The following CPED1 variants were observed in gnomAD, a reference collection of about 807,000 sequenced individuals.
The protein encoded by CPED1 is cadherin like and PC-esterase domain containing 1, also known as cadherin-like and PC-esterase domain-containing protein 1.
In CPED1, 114 loss-of-function variants were observed where a neutral mutation model predicts 128.2. The ratio of observed to expected loss-of-function variants is 0.89; its 90% CI spans 0.76 to 1.04. The LOEUF is 1.04. Among genes scored for constraint, CPED1 ranks in the 50% least tolerant of loss-of-function variants. The pLI, the probability that CPED1 is intolerant of heterozygous loss-of-function variation, is 0.00. For synonymous variants in CPED1, 462 were observed against 426.7 expected (o/e 1.08, Z -1.02); for missense variants, 1,211 against 1,207.1 (o/e 1.00, Z -0.05).
chr7:121,095,935 G>T (rs181746215), intron 5 of CPED1, among the ~76,000 whole-genome samples: 5 of 152,084 alleles, frequency 3.3e-5, no homozygotes, highest in Admixed American at 3.3e-4. Flanking sequence ...TACAAAAGAA[G>T]CCTCCAAATC....
At chr7:120,993,660 C>A (rs1460847267) in intron 2 of CPED1, among the ~76,000 whole-genome samples, 1 of 152,176 alleles carries the variant, frequency 6.6e-6, no homozygotes, top group African/African-American at 2.4e-5. Context: ...GAGGCAAACA[C>A]TTGCATGCTA....
intron 16 of CPED1, among the ~76,000 whole-genome samples, chr7:121,209,436 T>C (rs1797595646): frequency 6.6e-6 from 1 of 152,076 alleles, no homozygotes; most frequent in Admixed American, 6.6e-5. Flanking sequence ...CATATTTTTA[T>C]AGTCAGCTTT....
In CPED1 at chr7:121,017,954, A is replaced by T. The variant is rs1792342278; in HGVS notation, c.433+2106A>T. 2.6e-5 allele frequency among the ~76,000 whole-genome samples: 4 copies of T among 152,186 alleles called. No homozygotes were observed. The South Asian group carries it at 6.2e-4, about 24-fold the overall frequency. On this transcript the variant is annotated intron_variant, in intron 3 of 22. Coordinates refer to ENST00000310396, the MANE Select transcript of CPED1 (RefSeq NM_024913.5). Reference sequence around the variant, plus strand: ...CTTTTCCCACATTCCCACAGCTTTTAAAACATCTAAATCCTACCTCTGTCT... The same window carrying T: ...CTTTTCCCACATTCCCACAGCTTTTTAAACATCTAAATCCTACCTCTGTCT...
chr7:121,284,284 C>T (rs10276111), intron 22 of CPED1, among the ~76,000 whole-genome samples: 58,122 of 151,972 alleles, frequency 0.38, 11,610 homozygotes, highest in African/African-American at 0.5. Context: ...AGGTCCCTCT[C>T]ATAACACGTG....
chr7:121,244,470 T>A, intron 18 of CPED1, 132 bp downstream of exon 18: 1 of 876,038 alleles, frequency 1.1e-6, no homozygotes, highest in Non-Finnish European at 1.8e-6. Context: ...GCAATATGGC[T>A]TTTTGAATCA....
intron 18 of CPED1, among the ~76,000 whole-genome samples, chr7:121,255,209 C>CT (rs1465903164): frequency 6.6e-6 from 1 of 152,056 alleles, no homozygotes; most frequent in Non-Finnish European, 1.5e-5. Flanking sequence ...GATTAATACA[C>CT]TACAACCAAG....
rs192092657 is a variant in CPED1, at chr7:121,295,936, G to A, written c.*284G>A. The A allele has an allele frequency of 2.3e-4, 67 of 288,368 alleles. No homozygotes were observed. Among genetic ancestry groups the A allele is most frequent in the South Asian group, 1.3e-4 (2 of 15,412 alleles). The allele number at this position is 288,368 out of a possible 1,614,324, so 17.9% of individuals were successfully genotyped here. On this transcript the variant is annotated 3_prime_UTR_variant, in exon 23 of 23. Coordinates refer to ENST00000310396, the MANE Select transcript of CPED1 (RefSeq NM_024913.5). The stretch of plus-strand genomic sequence containing the variant: ...ATAATTATTAACCAGAACCACTGTG[G>A]GCCAGGTATGGCATTGTGATAATAA...
chr7:121,134,665 A>T (rs1795747496), intron 13 of CPED1, among the ~76,000 whole-genome samples: 1 of 152,126 alleles, frequency 6.6e-6, no homozygotes, highest in African/African-American at 2.4e-5. Flanking sequence ...TTCATTACAC[A>T]ATGTATACAT....
intron 2 of CPED1, chr7:120,994,036 C>A: frequency 5.1e-6 from 1 of 194,236 alleles, no homozygotes; most frequent in South Asian, 6.1e-5. Context: ...GTCTGTGCTT[C>A]AGAGACAGTG....
chr7:121,115,067 G>A (rs934287182), intron 7 of CPED1, among the ~76,000 whole-genome samples: 2 of 152,118 alleles, frequency 1.3e-5, no homozygotes, highest in South Asian at 2.1e-4. Flanking sequence ...TATGAGCAGG[G>A]GACTGACATG....
chr7:121,116,976 A>G (rs1795254098), intron 7 of CPED1, among the ~76,000 whole-genome samples: 1 of 117,270 alleles, frequency 8.5e-6, no homozygotes, highest in African/African-American at 3.5e-5. Context: ...ATATATATAT[A>G]TACACACACA....
intron 3 of CPED1, among the ~76,000 whole-genome samples, chr7:121,021,155 C>T (rs1379183444): frequency 1.3e-5 from 2 of 151,862 alleles, no homozygotes; most frequent in African/African-American, 4.8e-5. Flanking sequence ...CTAATAAGGA[C>T]ACTCTTATTT....
At chr7:121,015,460 T>C (rs1366097569) in intron 2 of CPED1, among the ~76,000 whole-genome samples, 1 of 152,240 alleles carries the variant, frequency 6.6e-6, no homozygotes, top group Non-Finnish European at 1.5e-5. Context: ...CATCTTTCTG[T>C]TACAGTGAGG....
At position 121,295,468 on chromosome 7, in the gene CPED1, A is replaced by C; in HGVS notation, c.2897A>C (p.Tyr966Ser). The change falls in exon 23 of 23, where the codon TAT becomes TCT. Residue 966 changes from tyrosine to serine, a missense_variant. Coordinates refer to ENST00000310396, the MANE Select transcript of CPED1 (RefSeq NM_024913.5). ...EVVKSKLSKE[Y>S]NFIKMKRSRN... ...GTGAAATCAAAGTTATCCAAAGAAT[A>C]TAACTTTATTAAAATGAAAAGATCA... is the stretch of plus-strand genomic sequence containing the variant. 6.2e-7 allele frequency: 1 copy of C among 1,613,330 alleles called. No homozygotes were observed.
chr7:120,995,156 A>G (rs1427189764), intron 2 of CPED1, among the ~76,000 whole-genome samples: 2 of 152,150 alleles, frequency 1.3e-5, no homozygotes, highest in Non-Finnish European at 2.9e-5. Flanking sequence ...GAGAAACTGT[A>G]ACTGGTTCTC....
At chr7:121,240,481 T>G (rs1798364536) in intron 17 of CPED1, among the ~76,000 whole-genome samples, 1 of 152,150 alleles carries the variant, frequency 6.6e-6, no homozygotes, top group South Asian at 2.1e-4. Context: ...AATCTTTGCT[T>G]AAACATAGTC....
At chr7:121,219,971 C>G (rs532464117) in intron 16 of CPED1, among the ~76,000 whole-genome samples, 26 of 152,060 alleles carry the variant, frequency 1.7e-4, no homozygotes, top group Non-Finnish European at 3.5e-4. Context: ...CTTAGGTAAA[C>G]CTTGTTCACT....
At chr7:121,007,725 G>A (rs1046036718) in intron 2 of CPED1, among the ~76,000 whole-genome samples, 1 of 152,088 alleles carries the variant, frequency 6.6e-6, no homozygotes, top group African/African-American at 2.4e-5. Flanking sequence ...TCCAATACTG[G>A]AATGTTTTCA....
intron 22 of CPED1, among the ~76,000 whole-genome samples, chr7:121,275,155 A>C (rs1014322407): frequency 1.3e-5 from 2 of 152,150 alleles, no homozygotes; most frequent in Non-Finnish European, 2.9e-5. Flanking sequence ...TTGTGGTTAG[A>C]ATTCTATCAT....
Sources: gnomAD v4.1 joint callset for allele counts (sites outside exome capture counted in the v4.1 genomes callset) on GRCh38, gnomAD v4.1.1 for gene constraint, MANE v1.5 for transcripts, NCBI Gene and HGNC (gene_info 2026-07-23, HGNC 2026-07-21) for gene names.